The following PLXNA4 variants were observed in gnomAD, a reference collection of about 807,000 sequenced individuals.
PLXNA4 encodes plexin A4.
A neutral mutation model predicts 191.8 loss-of-function variants in PLXNA4; 44 were observed. That is an observed-to-expected ratio of 0.23 (90% CI 0.18 to 0.29). The LOEUF is 0.29. PLXNA4 is among the 10% of genes least tolerant of loss of function. PLXNA4 has a pLI of 1.00. For missense variants in PLXNA4, 1,800 were observed against 2,488.8 expected, an observed-to-expected ratio of 0.72 and a Z score of 5.89; for synonymous variants, 1,082 against 1,009.5, an observed-to-expected ratio of 1.07 and a Z score of -1.36.
chr7:132,273,092 A>G (rs898109219), intron 4 of PLXNA4, among the ~76,000 whole-genome samples: 4 of 152,190 alleles, frequency 2.6e-5, no homozygotes, highest in Admixed American at 1.3e-4. Context: ...AATTGAACAA[A>G]TGCATTTGCC....
chr7:132,344,709 T>G (rs1803174402), intron 3 of PLXNA4, among the ~76,000 whole-genome samples: 1 of 152,238 alleles, frequency 6.6e-6, no homozygotes, highest in South Asian at 2.1e-4. Flanking sequence ...CAAAACATCT[T>G]CTATTTCTAC....
At chr7:132,283,835 C>T (rs1433226827) in intron 4 of PLXNA4, among the ~76,000 whole-genome samples, 2 of 152,192 alleles carry the variant, frequency 1.3e-5, no homozygotes, top group African/African-American at 4.8e-5. Flanking sequence ...TCATAATACC[C>T]ATTAGTATAT....
At chr7:132,632,778 T>A (rs1420271856) in intron 2 of PLXNA4, among the ~76,000 whole-genome samples, 1 of 152,172 alleles carries the variant, frequency 6.6e-6, no homozygotes, top group African/African-American at 2.4e-5. Context: ...AAGCAGAAAC[T>A]TAAAGGGAAT....
At chr7:132,151,883 G>A (rs915687568) in intron 25 of PLXNA4, among the ~76,000 whole-genome samples, 1 of 152,076 alleles carries the variant, frequency 6.6e-6, no homozygotes, top group Non-Finnish European at 1.5e-5. Context: ...AATTCAAGTA[G>A]GCTGACAAGG....
intron 9 of PLXNA4, among the ~76,000 whole-genome samples, chr7:132,215,561 C>A (rs1435705635): frequency 1.3e-5 from 2 of 152,182 alleles, no homozygotes; most frequent in Non-Finnish European, 2.9e-5. Context: ...AGTTTATGTT[C>A]ATGAGGTGAC....
chr7:132,199,095 T>G (rs1480865569), intron 12 of PLXNA4, among the ~76,000 whole-genome samples: 1 of 152,138 alleles, frequency 6.6e-6, no homozygotes, highest in Non-Finnish European at 1.5e-5. Context: ...GTGTTCTTCT[T>G]CTCTCTCCAT....
intron 11 of PLXNA4, 36 bp from the exon 12 acceptor site, chr7:132,202,872 G>T (rs1192726327): frequency 6.7e-7 from 1 of 1,495,880 alleles, no homozygotes; most frequent in African/African-American, 1.4e-5. Flanking sequence ...GGGGTGCTTG[G>T]GAATGGCAGT....
intron 3 of PLXNA4, among the ~76,000 whole-genome samples, chr7:132,432,209 C>T (rs2117200483): frequency 6.6e-6 from 1 of 152,302 alleles, no homozygotes; most frequent in South Asian, 2.1e-4. Context: ...GACGACTCAC[C>T]AGTCACTCGT....
intron 3 of PLXNA4, among the ~76,000 whole-genome samples, chr7:132,378,801 C>T (rs1458653073): frequency 6.6e-6 from 1 of 150,598 alleles, no homozygotes; most frequent in East Asian, 2.0e-4. Flanking sequence ...ATTTAGTCTA[C>T]TTCAAACCAG....
intron 3 of PLXNA4, among the ~76,000 whole-genome samples, chr7:132,431,450 G>A (rs960317430): frequency 5.9e-5 from 9 of 152,260 alleles, no homozygotes; most frequent in South Asian, 2.1e-4. Flanking sequence ...TCCCATGTGG[G>A]GACCTTTGTC....
At chr7:132,254,055 C>G (rs1433222049) in intron 4 of PLXNA4, among the ~76,000 whole-genome samples, 1 of 152,094 alleles carries the variant, frequency 6.6e-6, no homozygotes, top group East Asian at 1.9e-4. Flanking sequence ...TTTCAGTGTT[C>G]AACATAAATT....
intron 2 of PLXNA4, among the ~76,000 whole-genome samples, chr7:132,596,628 G>A (rs1802714254): frequency 6.6e-6 from 1 of 152,152 alleles, no homozygotes; most frequent in African/African-American, 2.4e-5. Flanking sequence ...TCTGAAAAAT[G>A]CATTTATGGT....
At position 132,130,004 on chromosome 7, in the gene PLXNA4, GTC is replaced by G. The variant is rs1331309635; in HGVS notation, c.*473_*474del. The G allele has an allele frequency of 1.2e-5, 2 of 167,234 alleles. No individual in the cohort carries two copies. The highest frequency in any genetic ancestry group is 4.7e-5 in the African/African-American group (2 of 42,192). The allele number at this position is 167,234 out of a possible 1,614,324, so 10.4% of individuals were successfully genotyped here. ...CTGTGGGAAGGGAGAGCCAGGTGAT[GTC>G]TTCCCAGTAAAGATAATACTGAAGT... On this transcript the variant is annotated 3_prime_UTR_variant, in exon 32 of 32. Transcript: ENST00000321063.
At chr7:132,579,298 G>A (rs977154192), upstream of PLXNA4, among the ~76,000 whole-genome samples, 1 of 151,942 alleles carries the variant, frequency 6.6e-6, no homozygotes, top group Non-Finnish European at 1.5e-5. Flanking sequence ...CAGCTTTCAG[G>A]GTATGTCATA....
chr7:132,571,068 G>A (rs1175860692), intron 1 of PLXNA4, among the ~76,000 whole-genome samples: 1 of 151,814 alleles, frequency 6.6e-6, no homozygotes, highest in East Asian at 1.9e-4. Context: ...AATAATGCAT[G>A]GAATAAAAGT....
At chr7:132,557,894 T>C (rs1170306042) in intron 1 of PLXNA4, among the ~76,000 whole-genome samples, 1 of 152,094 alleles carries the variant, frequency 6.6e-6, no homozygotes, top group East Asian at 1.9e-4. Flanking sequence ...CAAATACTTC[T>C]CTTTTCAAGC....
chr7:132,419,064 A>T (rs927676688), intron 3 of PLXNA4, among the ~76,000 whole-genome samples: 10 of 152,218 alleles, frequency 6.6e-5, no homozygotes, highest in African/African-American at 2.4e-4. Flanking sequence ...AGGGTTGGGA[A>T]GGGAGCTCTG....
chr7:132,561,728 T>TCCTCCTCCTCCTCCTTCTCCTCCTCC (rs1801104416), intron 1 of PLXNA4, among the ~76,000 whole-genome samples: 1 of 59,206 alleles, frequency 1.7e-5, no homozygotes, highest in Non-Finnish European at 3.4e-5. Flanking sequence ...TCTCCTCCTC[T>TCCTCCTCCTCCTCCTTCTCCTCCTCC]TCCTCCTCCT....
At chr7:132,322,381 C>A (rs1330722212) in intron 3 of PLXNA4, among the ~76,000 whole-genome samples, 3 of 152,084 alleles carry the variant, frequency 2.0e-5, no homozygotes, top group Non-Finnish European at 4.4e-5. Context: ...CAGGGTTTCA[C>A]CATGCTAGCC....
Sources: allele counts gnomAD v4.1 joint callset (sites outside exome capture counted in the v4.1 genomes callset), GRCh38; gene constraint gnomAD v4.1.1; transcripts MANE v1.5; gene names NCBI Gene and HGNC (gene_info 2026-07-23, HGNC 2026-07-21).